Variants in CDH13 observed in about 807,000 individuals in gnomAD.
CDH13 encodes cadherin-13.
CDH13 carries 24 observed loss-of-function variants against 63.8 expected under a neutral mutation model. That is an observed-to-expected ratio of 0.38 (90% CI 0.27 to 0.53). CDH13 has a LOEUF of 0.53. Ranked by LOEUF, CDH13 falls within the 20% of genes least tolerant of loss-of-function variation. The probability of loss-of-function intolerance (pLI) is 0.85; values close to 1 mark genes in which losing one functional copy is unlikely to be tolerated. For synonymous variants in CDH13, 503 were observed against 355.3 expected, an observed-to-expected ratio of 1.42 and a Z score of -4.67; for missense variants, 1,049 against 903.1, an observed-to-expected ratio of 1.16 and a Z score of -2.07.
intron 9 of CDH13, among the ~76,000 whole-genome samples, chr16:83,671,694 C>A (rs1269835198): frequency 6.6e-6 from 1 of 152,280 alleles, no homozygotes; most frequent in South Asian, 2.1e-4. Flanking sequence ...CCTTAGTGAG[C>A]TCAATTATTC....
At chr16:83,754,231 A>G (rs1913320450) in intron 11 of CDH13, among the ~76,000 whole-genome samples, 1 of 152,268 alleles carries the variant, frequency 6.6e-6, no homozygotes, top group South Asian at 2.1e-4. Context: ...TATTTGCCAG[A>G]TTTTGAAGGT....
chr16:83,553,535 A>G (rs2075547977), intron 7 of CDH13, among the ~76,000 whole-genome samples: 1 of 152,172 alleles, frequency 6.6e-6, no homozygotes, highest in Non-Finnish European at 1.5e-5. Context: ...TGTAGGAATC[A>G]AAGTGATGGG....
intron 7 of CDH13, among the ~76,000 whole-genome samples, chr16:83,555,862 A>G (rs1224513361): frequency 1.3e-5 from 2 of 152,242 alleles, no homozygotes; most frequent in African/African-American, 2.4e-5. Context: ...ACTGTACATG[A>G]CATATCCATG....
intron 6 of CDH13, among the ~76,000 whole-genome samples, chr16:83,365,015 C>A (rs1442789897): frequency 6.6e-6 from 1 of 152,154 alleles, no homozygotes; most frequent in Non-Finnish European, 1.5e-5. Context: ...ACCACCATGG[C>A]ACAGGTGTAC....
chr16:83,719,507 C>T (rs753854835), intron 10 of CDH13, among the ~76,000 whole-genome samples: 8 of 152,150 alleles, frequency 5.3e-5, no homozygotes, highest in Non-Finnish European at 1.0e-4. Context: ...AGCTCCAGGT[C>T]TTTTCCAGCG....
chr16:83,014,500 A>G (rs1258341837), intron 2 of CDH13, among the ~76,000 whole-genome samples: 1 of 151,356 alleles, frequency 6.6e-6, no homozygotes, highest in African/African-American at 2.4e-5. Flanking sequence ...TTGGGAGGCC[A>G]AGACGGATAG....
chr16:82,687,674 G>A (rs1354037875), intron 1 of CDH13, among the ~76,000 whole-genome samples: 1 of 152,044 alleles, frequency 6.6e-6, no homozygotes, highest in African/African-American at 2.4e-5. Context: ...CATGACATGT[G>A]GGGATTATTA....
chr16:83,177,458 T>C (rs1597470244), intron 4 of CDH13, among the ~76,000 whole-genome samples: 1 of 152,232 alleles, frequency 6.6e-6, no homozygotes, highest in South Asian at 2.1e-4. Flanking sequence ...TGATAGATCA[T>C]GGCATATCCG....
chr16:83,028,037 C>G (rs1915976508), intron 2 of CDH13, among the ~76,000 whole-genome samples: 1 of 152,114 alleles, frequency 6.6e-6, no homozygotes, highest in African/African-American at 2.4e-5. Context: ...AGCTGGGAAT[C>G]CAGAACCCCC....
At chr16:83,630,779 G>C (rs915401453) in intron 8 of CDH13, among the ~76,000 whole-genome samples, 1 of 152,098 alleles carries the variant, frequency 6.6e-6, no homozygotes, top group African/African-American at 2.4e-5. Context: ...AAGATCTTGA[G>C]GCCCACAAGG....
intron 3 of CDH13, among the ~76,000 whole-genome samples, chr16:83,039,667 C>G (rs140363603): frequency 9.0e-4 from 137 of 152,300 alleles, no homozygotes; most frequent in African/African-American, 3.2e-3. Context: ...TGCCCAGTGC[C>G]TGGCGCAGAG....
chr16:83,336,848 C>CA (rs1377154572), intron 5 of CDH13, among the ~76,000 whole-genome samples: 1 of 152,132 alleles, frequency 6.6e-6, no homozygotes, highest in African/African-American at 2.4e-5. Flanking sequence ...TCTCATATTA[C>CA]AAAAAATATT....
In CDH13 at chr16:83,279,867, A is replaced by T. The variant is rs560629542; in HGVS notation, c.636+62370A>T. On this transcript the variant is annotated intron_variant, in intron 5 of 13. Coordinates refer to ENST00000567109, the MANE Select transcript of CDH13 (RefSeq NM_001257.5). ...ATTTTTTTTTTTGCTTTTCCAGTAC[A>T]TATAGAAGCTCCATTTATACTATAC... Among the ~76,000 whole-genome samples, 16 of 151,970 alleles carry T rather than the reference A, an allele frequency of 1.1e-4. 1 individual carries two copies. In the South Asian group the frequency reaches 3.3e-3, roughly 32 times the overall value.
At chr16:83,428,807 T>C (rs2071998184) in intron 6 of CDH13, among the ~76,000 whole-genome samples, 1 of 152,270 alleles carries the variant, frequency 6.6e-6, no homozygotes, top group Non-Finnish European at 1.5e-5. Flanking sequence ...GCGTGAATTC[T>C]GTTGTTTTCT....
chr16:82,974,348 C>G (rs1223136365), intron 2 of CDH13, among the ~76,000 whole-genome samples: 1 of 152,176 alleles, frequency 6.6e-6, no homozygotes, highest in Non-Finnish European at 1.5e-5. Flanking sequence ...TCCATTGTCT[C>G]CATGTAGAAT....
intron 2 of CDH13, among the ~76,000 whole-genome samples, chr16:82,978,036 T>C (rs1317054353): frequency 6.6e-6 from 1 of 152,174 alleles, no homozygotes; most frequent in African/African-American, 2.4e-5. Context: ...CGTTATGTTT[T>C]AGCACAGGGA....
intron 3 of CDH13, among the ~76,000 whole-genome samples, chr16:83,065,579 C>G (rs2031939083): frequency 6.6e-6 from 1 of 152,012 alleles, no homozygotes; most frequent in Non-Finnish European, 1.5e-5. Context: ...GTGGTGCACG[C>G]CTGTAATTCC....
intron 7 of CDH13, among the ~76,000 whole-genome samples, chr16:83,576,887 G>C (rs1329302104): frequency 6.6e-6 from 1 of 152,144 alleles, no homozygotes; most frequent in African/African-American, 2.4e-5. Context: ...ACATCTTCTG[G>C]ATAGTAGACC....
At chr16:83,497,875 A>C (rs1371724767) in intron 7 of CDH13, among the ~76,000 whole-genome samples, 2 of 152,148 alleles carry the variant, frequency 1.3e-5, no homozygotes, top group African/African-American at 4.8e-5. Flanking sequence ...ATATTAACTC[A>C]CACTTATTAA....
Sources: allele counts gnomAD v4.1 joint callset (sites outside exome capture counted in the v4.1 genomes callset), GRCh38; gene constraint gnomAD v4.1.1; transcripts MANE v1.5; gene names NCBI Gene and HGNC (gene_info 2026-07-23, HGNC 2026-07-21).